JAG2: variants seen among roughly 807,000 people sequenced by gnomAD.
The protein encoded by JAG2 is jagged canonical Notch ligand 2.
A neutral mutation model predicts 141.7 loss-of-function variants in JAG2; 46 were observed. The ratio of observed to expected loss-of-function variants is 0.32; its 90% confidence interval spans 0.26 to 0.42. The LOEUF (loss-of-function observed/expected upper bound fraction) is 0.42. Ranked by LOEUF, JAG2 falls within the 10% of genes least tolerant of loss-of-function variation. The pLI, the probability that JAG2 is intolerant of heterozygous loss-of-function variation, is 1.00. For synonymous variants in JAG2, 862 were observed against 763.5 expected (o/e 1.13, Z -2.13); for missense variants, 1,500 against 1,817.5 (o/e 0.83, Z 3.18).
At position 105,151,270 on chromosome 14, in the gene JAG2, T is replaced by A. The variant is rs770639055; in HGVS notation, c.1267+13A>T. On this transcript the variant is annotated intron_variant, in intron 9 of 25. Coordinates refer to ENST00000331782, the MANE Select transcript of JAG2 (RefSeq NM_002226.5). The stretch of plus-strand genomic sequence containing the variant: ...GCGGCCCACGTTCCCATGCACTCGC[T>A]CGGAGCCCTTACCCAGCTGGCAGGT... 2 of 1,609,272 alleles carry A rather than the reference T, an allele frequency of 1.2e-6. No homozygotes were observed. The highest frequency in any genetic ancestry group is 2.2e-5 in the East Asian group (1 of 44,822).
chr14:105,159,185 A>G (rs1277301195), intron 2 of JAG2, among the ~76,000 whole-genome samples: 2 of 151,528 alleles, frequency 1.3e-5, no homozygotes, highest in Non-Finnish European at 1.5e-5. Context: ...CTAGGGCCCA[A>G]CATGACTGCT....
chr14:105,143,268 G>A (rs1311695864), intron 25 of JAG2, 98 bp from the exon 26 acceptor site: 31 of 1,421,632 alleles, frequency 2.2e-5, no homozygotes, highest in Admixed American at 1.6e-4. Context: ...CGGGCCAGGC[G>A]GCCGGGCCCC....
At chr14:105,153,758 G>A (rs1424990160) in intron 5 of JAG2, among the ~76,000 whole-genome samples, 4 of 152,182 alleles carry the variant, frequency 2.6e-5, no homozygotes, top group African/African-American at 7.2e-5. Context: ...ATCTTCCTGC[G>A]GGTAAAGGGC....
In JAG2 at chr14:105,148,446, G is replaced by A; in HGVS notation, c.2021-7C>T. 4 of 1,607,662 alleles carry A rather than the reference G, an allele frequency of 2.5e-6. No individual in the cohort carries two copies. The highest frequency in any genetic ancestry group is 3.4e-6 in the Non-Finnish European group (4 of 1,176,548). ...GGAAGGCAGTCGTTGGGATCTGGGG[G>A]CGAGGACGCCGGTCAGCGGGCGGGG... On this transcript the variant is annotated splice_region_variant and splice_polypyrimidine_tract_variant and intron_variant, in intron 15 of 25. Coordinates refer to ENST00000331782, the MANE Select transcript of JAG2 (RefSeq NM_002226.5).
rs372910879 is a variant in JAG2, at chr14:105,146,008, C to T, written c.2710-35G>A. The T allele has an allele frequency of 1.1e-5, 18 of 1,582,358 alleles. No homozygotes were observed. In the East Asian group the frequency reaches 1.4e-4, roughly 12 times the overall value. ...CACGCACAGGAGGGTCAGGCGCAGG[C>T]GCACAGGAGGGTCAGATGCAGGCAC... On this transcript the variant is annotated intron_variant, in intron 22 of 25. Transcript: ENST00000331782.
chr14:105,147,224 GC>G, intron 20 of JAG2, 101 bp downstream of exon 20: 1 of 885,874 alleles, frequency 1.1e-6, no homozygotes, highest in Non-Finnish European at 1.8e-6. Flanking sequence ...AGTAGTTGTG[GC>G]CACACTGCCC....
chr14:105,141,092 A>G lies in JAG2; in HGVS notation c.*1603T>C, dbSNP rs1356824556. The G allele has an allele frequency of 6.6e-6, 1 of 151,902 alleles. No homozygotes were observed. Among genetic ancestry groups the G allele is most frequent in the African/African-American group, 2.4e-5 (1 of 41,324 alleles). 9.4% of individuals were successfully genotyped at this position (151,902 alleles called of 1,614,324 possible). ...GACTTTTTTTTTCTCTTTTGTACAGATCTGGTTCTTGGCTTTGCTCCTTGA... is the reference window on the plus strand; with the variant it reads ...GACTTTTTTTTTCTCTTTTGTACAGGTCTGGTTCTTGGCTTTGCTCCTTGA... On this transcript the variant is annotated 3_prime_UTR_variant, in exon 26 of 26. Coordinates refer to ENST00000331782, the MANE Select transcript of JAG2 (RefSeq NM_002226.5).
At chr14:105,153,968 A>C (rs988110941) in intron 5 of JAG2, among the ~76,000 whole-genome samples, 8 of 152,108 alleles carry the variant, frequency 5.3e-5, no homozygotes, top group African/African-American at 1.9e-4. Context: ...GCACTTTCTG[A>C]GCTGACTTGG....
chr14:105,157,879 T>C, intron 2 of JAG2, 116 bp from the exon 3 acceptor site: 3 of 957,156 alleles, frequency 3.1e-6, no homozygotes, highest in Non-Finnish European at 4.8e-6. Flanking sequence ...CTCTGGCCCT[T>C]CCTCCCCAGC....
intron 2 of JAG2, among the ~76,000 whole-genome samples, chr14:105,163,739 T>C (rs1043479402): frequency 6.6e-6 from 1 of 150,830 alleles, no homozygotes. Flanking sequence ...ACAGGGACCC[T>C]GCTCAGTCCT....
In JAG2 at chr14:105,168,036, G is replaced by A. The variant is rs1336552911; in HGVS notation, c.138C>T (p.Ser46=). 2 of 1,594,658 alleles carry A rather than the reference G, an allele frequency of 1.3e-6. No homozygotes were observed. Among genetic ancestry groups the A allele is most frequent in the Non-Finnish European group, 8.5e-7 (1 of 1,176,482 alleles). ...ALRNVNGELL[S]GACCDGDGRT... ...GGCCGTCGCCGTCACAGCAGGCGCCGCTCAGCAGCTCCCCGTTCACGTTCC... is the reference window on the plus strand; with the variant it reads ...GGCCGTCGCCGTCACAGCAGGCGCCACTCAGCAGCTCCCCGTTCACGTTCC... The change falls in exon 2 of 26, where the codon AGC becomes AGT. Residue 46 remains serine (S), a synonymous_variant. Coordinates refer to ENST00000331782, the MANE Select transcript of JAG2 (RefSeq NM_002226.5).
chr14:105,146,394 G>A lies in JAG2; in HGVS notation c.2700C>T (p.Asp900=), dbSNP rs587732720. 1.9e-6 allele frequency: 3 copies of A among 1,612,522 alleles called. No homozygotes were observed. In the African/African-American group the frequency reaches 4.0e-5, roughly 21 times the overall value. The change falls in exon 22 of 26, where the codon GAC becomes GAT. Residue 900 remains aspartate (D), a synonymous_variant. Coordinates refer to ENST00000331782, the MANE Select transcript of JAG2 (RefSeq NM_002226.5). ...CACGGGCTGCCCTCACCTTGCTGCA[G>A]TCACGGCGGCCATCCAGGCAGCGGC... ...NSCRCLDGRR[D]CSKVWCGWKP... is the part of the protein sequence containing the mutation.
chr14:105,165,475 G>A (rs1014027111), intron 2 of JAG2, among the ~76,000 whole-genome samples: 1 of 152,236 alleles, frequency 6.6e-6, no homozygotes, highest in Admixed American at 6.5e-5. Context: ...GGGGCAGCCA[G>A]GCAGCCTGCT....
chr14:105,163,694 G>A (rs1014290105), intron 2 of JAG2, among the ~76,000 whole-genome samples: 4 of 151,582 alleles, frequency 2.6e-5, no homozygotes, highest in African/African-American at 9.7e-5. Flanking sequence ...CTGGGGTCTG[G>A]GGACAGGGAC....
At position 105,154,408 on chromosome 14, in the gene JAG2, C is replaced by T. The variant is rs1022754969; in HGVS notation, c.788+1154G>A. Reference sequence around the variant, plus strand: ...CTCACGCACAGTGAGCGCCACGGCTCGAAGCCCGTGCCCACCCCAGACCCT... The same window carrying T: ...CTCACGCACAGTGAGCGCCACGGCTTGAAGCCCGTGCCCACCCCAGACCCT... On this transcript the variant is annotated intron_variant, in intron 5 of 25. Transcript: ENST00000331782. The surrounding 1 kb of genome is among the most constrained non-coding windows in gnomAD (Gnocchi z 4.4). 1.1e-4 allele frequency among the ~76,000 whole-genome samples: 17 copies of T among 152,148 alleles called. No homozygotes were observed. Among genetic ancestry groups the T allele is most frequent in the African/African-American group, 4.1e-4 (17 of 41,418 alleles).
At chr14:105,149,461 C>G (rs1276686373) in intron 12 of JAG2, 141 bp from the exon 13 acceptor site, 2 of 1,020,064 alleles carry the variant, frequency 2.0e-6, no homozygotes, top group East Asian at 5.1e-5. Flanking sequence ...AGCCAGAGCC[C>G]AAGACCCCTG....
intron 20 of JAG2, chr14:105,147,016 G>A: frequency 3.3e-6 from 2 of 605,076 alleles, no homozygotes; most frequent in Non-Finnish European, 5.9e-6. Flanking sequence ...AGACAGCTGG[G>A]CCAACACCCA....
At chr14:105,152,348 C>T in intron 5 of JAG2, 57 bp from the exon 6 acceptor site, 2 of 1,578,584 alleles carry the variant, frequency 1.3e-6, no homozygotes. Flanking sequence ...GAAAGGGTGG[C>T]AGGGGAGCCA....
intron 15 of JAG2, 111 bp from the exon 16 acceptor site, chr14:105,148,550 G>T: frequency 1.2e-6 from 1 of 830,444 alleles, no homozygotes; most frequent in Non-Finnish European, 1.9e-6. Flanking sequence ...AGGGGCGGGG[G>T]AGGAGCGTCG....
Sources: gnomAD v4.1 joint callset for allele counts (sites outside exome capture counted in the v4.1 genomes callset) on GRCh38, gnomAD v4.1.1 for gene constraint, Gnocchi (gnomAD v3.1) non-coding constraint, MANE v1.5 for transcripts, NCBI Gene and HGNC (gene_info 2026-07-23, HGNC 2026-07-21) for gene names.